CIAO3: variants seen among roughly 807,000 people sequenced by gnomAD.
CIAO3 encodes the protein LET1 like/JFP15.
CIAO3 carries 45 observed loss-of-function variants against 51.5 expected under a neutral mutation model. The ratio of observed to expected loss-of-function variants is 0.87; its 90% confidence interval spans 0.69 to 1.12. The LOEUF (loss-of-function observed/expected upper bound fraction) is 1.12. Ranked by LOEUF, CIAO3 falls within the 50% of genes most tolerant of loss-of-function variation. The pLI is 0.00. For synonymous variants in CIAO3, 314 were observed against 269.3 expected (o/e 1.17, Z -1.63); for missense variants, 668 against 632.5 (o/e 1.06, Z -0.60).
rs1205734289 is a variant in CIAO3 at position 729,975 on chromosome 16, A to C, written c.*442T>G. On this transcript the variant is annotated 3_prime_UTR_variant, in exon 11 of 11. Transcript: ENST00000251588. ...AGGGTTGTGGCGGGACCACCCCTGC[A>C]GGTCCAGCTCTGTCTCCCACCTTTT... The C allele has an allele frequency of 2.1e-5, 7 of 340,190 alleles. No individual in the cohort carries two copies. The highest frequency in any genetic ancestry group is 3.9e-5 in the Non-Finnish European group (7 of 180,542). 21.1% of individuals were successfully genotyped at this position (340,190 alleles called of 1,614,324 possible). A position where few individuals can be genotyped will look rare whatever the true frequency, so the allele number is the denominator to read the frequency against.
intron 1 of CIAO3, chr16:740,158 C>G: frequency 1.6e-6 from 2 of 1,270,714 alleles, no homozygotes; most frequent in Non-Finnish European, 2.1e-6. Context: ...ATTTCTCTCT[C>G]TTCTCCTTGA....
At chr16:739,850 G>A (rs2041374217) in intron 1 of CIAO3, 112 bp from the exon 2 acceptor site, 2 of 1,284,344 alleles carry the variant, frequency 1.6e-6, no homozygotes, top group Admixed American at 1.9e-5. Flanking sequence ...TCTGCCAGGA[G>A]CCATGCACTC....
intron 2 of CIAO3, among the ~76,000 whole-genome samples, chr16:738,641 C>CG (rs1567346602): frequency 6.6e-6 from 1 of 150,878 alleles, no homozygotes; most frequent in Non-Finnish European, 1.5e-5. Flanking sequence ...CCTGAGCCAC[C>CG]GCGCCAGGCC....
In CIAO3 at chr16:737,397, G is replaced by A. The variant is rs982695187; in HGVS notation, c.163-68C>T. 2 of 1,602,090 alleles carry A rather than the reference G, an allele frequency of 1.2e-6. No individual in the cohort carries two copies. Among genetic ancestry groups the A allele is most frequent in the African/African-American group, 1.3e-5 (1 of 74,698 alleles). ...CGAGGACATGGAGACAGAGGATAGTGGAGTCCAGCTCATAACCGACAACCA... is the reference window on the plus strand; with the variant it reads ...CGAGGACATGGAGACAGAGGATAGTAGAGTCCAGCTCATAACCGACAACCA... On this transcript the variant is annotated intron_variant, in intron 2 of 10. Transcript: ENST00000251588. The surrounding 1 kb of genome is among the most constrained non-coding windows in gnomAD (Gnocchi z 5.3).
rs761519667 is a variant in CIAO3 at position 730,951 on chromosome 16, G to A, written c.1084C>T (p.Leu362=). ...VTLEKEGQVL[L]HFAMAYGFRN... The stretch of plus-strand genomic sequence containing the variant: ...AAGCCGTACGCCATTGCGAAGTGCA[G>A]CAGCACCTGGCCCTCCTTCTCCAGT... Residue 362 remains leucine, a synonymous_variant, in exon 10 of 11, where the codon CTG becomes TTG. Transcript: ENST00000251588. 1.2e-6 allele frequency: 2 copies of A among 1,613,016 alleles called. No homozygotes were observed. The highest frequency in any genetic ancestry group is 1.1e-5 in the South Asian group (1 of 91,090).
At chr16:740,602 G>A (rs2041380729) in intron 1 of CIAO3, 1 of 460,318 alleles carries the variant, frequency 2.2e-6, no homozygotes, top group Non-Finnish European at 3.9e-6. Context: ...AGCCGCCTCT[G>A]CTGCCTCCTC....
Position 730,502 on chromosome 16 carries a change from G to A in CIAO3, c.1346C>T (p.Thr449Met), listed in dbSNP as rs768089758. The A allele has an allele frequency of 6.9e-5, 111 of 1,609,964 alleles. No individual in the cohort carries two copies. Among genetic ancestry groups the A allele is most frequent in the Non-Finnish European group, 8.4e-5 (99 of 1,179,992 alleles). Reference protein sequence around the residue: ...QELYTHWLQGTDSECAGRLLH... With the variant: ...QELYTHWLQGMDSECAGRLLH... ...CAAGCGACCTGCACACTCCGAGTCC[G>A]TGCCCTGCAGCCAGTGTGTGTACAG... Residue 449 changes from threonine to methionine, a missense_variant, in exon 11 of 11, where the codon ACG (threonine) becomes ATG (methionine). Transcript: ENST00000251588.
chr16:737,535 G>A lies in CIAO3; in HGVS notation c.163-206C>T. 1.3e-6 allele frequency: 2 copies of A among 1,512,622 alleles called. No homozygotes were observed. Among genetic ancestry groups the A allele is most frequent in the Non-Finnish European group, 1.8e-6 (2 of 1,132,628 alleles). The allele number at this position is 1,512,622 out of a possible 1,614,324, so 93.7% of individuals were successfully genotyped here. ...CATAATGCCGTCAAGTCTGCTTCTT[G>A]GTACCACTTGGTTAGTGCATCCGAA... is the stretch of plus-strand genomic sequence containing the variant. On this transcript the variant is annotated intron_variant, in intron 2 of 10. Coordinates refer to ENST00000251588, the MANE Select transcript of CIAO3 (RefSeq NM_022493.3). This position sits in a 1 kb window ranked among gnomAD's most constrained non-coding sequence, Gnocchi z 5.3.
Position 740,957 on chromosome 16 carries a change from T to G in CIAO3, c.29A>C (p.Gln10Pro), listed in dbSNP as rs1360760105. MASPFSGAL[Q>P]LTDLDDFIGP... ...GATGAAGTCATCCAGGTCCGTCAGCTGCAGCGCCCCGCTGAAGGGCGACGC... is the reference window on the plus strand; with the variant it reads ...GATGAAGTCATCCAGGTCCGTCAGCGGCAGCGCCCCGCTGAAGGGCGACGC... Residue 10 changes from glutamine (Q) to proline (P), a missense_variant, in exon 1 of 11, where the codon CAG (glutamine) becomes CCG (proline). Coordinates refer to ENST00000251588, the MANE Select transcript of CIAO3 (RefSeq NM_022493.3). 3 of 1,518,484 alleles carry G rather than the reference T, an allele frequency of 2.0e-6. No homozygotes were observed. Among genetic ancestry groups the G allele is most frequent in the Non-Finnish European group, 2.6e-6 (3 of 1,136,966 alleles). The allele number at this position is 1,518,484 out of a possible 1,614,324, so 94.1% of individuals were successfully genotyped here.
Position 730,439 on chromosome 16 carries a change from G to A in CIAO3, c.1409C>T (p.Thr470Ile), listed in dbSNP as rs376469524. The A allele has an allele frequency of 9.4e-6, 15 of 1,603,902 alleles. No homozygotes were observed. Among genetic ancestry groups the A allele is most frequent in the Non-Finnish European group, 1.3e-5 (15 of 1,179,916 alleles). Residue 470 changes from threonine (T) to isoleucine (I), a missense_variant, in exon 11 of 11, where the codon ACT becomes ATT. Coordinates refer to ENST00000251588, the MANE Select transcript of CIAO3 (RefSeq NM_022493.3). ...TQYHAVEKAS[T>I]GLGIRW is the part of the protein sequence containing the mutation. ...CCCCTACCACCGGATGCCCAGGCCAGTGCTGGCCTTCTCCACGGCGTGGTA... is the reference window on the plus strand; with the variant it reads ...CCCCTACCACCGGATGCCCAGGCCAATGCTGGCCTTCTCCACGGCGTGGTA...
chr16:734,946 C>T, intron 4 of CIAO3, 75 bp from the exon 5 acceptor site: 2 of 1,462,098 alleles, frequency 1.4e-6, no homozygotes, highest in African/African-American at 1.4e-5. Context: ...GTGTGGACCA[C>T]CATGGTGCTG....
intron 2 of CIAO3, 94 bp downstream of exon 2, chr16:739,549 C>T (rs117664197): frequency 0.013 from 15,979 of 1,265,572 alleles, 149 homozygotes; most frequent in Non-Finnish European, 0.015. Flanking sequence ...CCTGGAGTGT[C>T]TCGGGGTCAC....
At chr16:736,085 G>A (rs2041334119) in intron 4 of CIAO3, among the ~76,000 whole-genome samples, 181 bp downstream of exon 4, 1 of 152,176 alleles carries the variant, frequency 6.6e-6, no homozygotes, top group African/African-American at 2.4e-5. Flanking sequence ...CTGTGAGAAG[G>A]CCCTGCTCTC....
chr16:739,551 C>T lies in CIAO3; in HGVS notation c.162+92G>A, dbSNP rs781729194. ...AAGACTGGTGAGACCTGGAGTGTCT[C>T]GGGGTCACCGCTCTGTGACGGGAGG... On this transcript the variant is annotated intron_variant, in intron 2 of 10. Coordinates refer to ENST00000251588, the MANE Select transcript of CIAO3 (RefSeq NM_022493.3). 151 of 1,276,242 alleles carry T rather than the reference C, an allele frequency of 1.2e-4. 2 individuals are homozygous for T. The highest frequency in any genetic ancestry group is 5.3e-4 in the South Asian group (44 of 83,676). The allele number at this position is 1,276,242 out of a possible 1,614,324, so 79.1% of individuals were successfully genotyped here. A position where few individuals can be genotyped will look rare whatever the true frequency, so the allele number is the denominator to read the frequency against.
At chr16:733,807 G>T (rs944414772) in intron 6 of CIAO3, 1 of 369,158 alleles carries the variant, frequency 2.7e-6, no homozygotes. Flanking sequence ...TGCCGCAGGG[G>T]ACATGGGCGC....
chr16:740,027 C>A (rs2151605031), intron 1 of CIAO3: 2 of 1,433,660 alleles, frequency 1.4e-6, no homozygotes, highest in African/African-American at 1.4e-5. Flanking sequence ...CTGACCTTCA[C>A]CCTTCACGTG....
chr16:730,882 A>C lies in CIAO3; in HGVS notation c.1153T>G (p.Cys385Gly). The C allele has an allele frequency of 6.2e-7, 1 of 1,612,874 alleles. No homozygotes were observed. The highest frequency in any genetic ancestry group is 8.5e-7 in the Non-Finnish European group (1 of 1,179,988). ...NLVQRLKRGRCPYHYVEVMAC... is the reference protein window; with the variant it reads ...NLVQRLKRGRGPYHYVEVMAC... Reference sequence around the variant, plus strand: ...ATGACCTCCACGTAGTGGTAGGGGCAGCGCCCTCGTTTGAGCCTCTGCACC... The same window carrying C: ...ATGACCTCCACGTAGTGGTAGGGGCCGCGCCCTCGTTTGAGCCTCTGCACC... Residue 385 changes from cysteine to glycine, a missense_variant, in exon 10 of 11, where the codon TGC (cysteine) becomes GGC (glycine). Physicochemically the swap from Cys to Gly is radical, Grantham distance 159. Transcript: ENST00000251588.
In CIAO3 at chr16:733,324, CGT is replaced by C. The variant is rs868341164; in HGVS notation, c.795_796del (p.Arg266GlyfsTer72). 1.9e-6 allele frequency: 3 copies of C among 1,613,718 alleles called. No individual in the cohort carries two copies. Among genetic ancestry groups the C allele is most frequent in the Non-Finnish European group, 2.5e-6 (3 of 1,179,984 alleles). ...TGTTGTGAGGACACAGTCCACATCC[CGT>C]GTCTGGTGCTCCTGGTTGAAAAAGT... On this transcript the variant is annotated frameshift_variant, in exon 7 of 11. Coordinates refer to ENST00000251588, the MANE Select transcript of CIAO3 (RefSeq NM_022493.3). LOFTEE classifies it high-confidence loss of function.
In CIAO3 at chr16:737,634, G is replaced by A. The variant is rs560136823; in HGVS notation, c.163-305C>T. ...CCCACTCACCCATGGGGCCCTGGAC[G>A]GGGTGCTGGCCCCGGTGCACACTCA... is the stretch of plus-strand genomic sequence containing the variant. On this transcript the variant is annotated intron_variant, in intron 2 of 10. Transcript: ENST00000251588. This position sits in a 1 kb window ranked among gnomAD's most constrained non-coding sequence, Gnocchi z 5.3. 63 of 1,366,688 alleles carry A rather than the reference G, an allele frequency of 4.6e-5. No individual in the cohort carries two copies. Among genetic ancestry groups the A allele is most frequent in the African/African-American group, 4.4e-4 (30 of 68,826 alleles). The allele number at this position is 1,366,688 out of a possible 1,614,324, so 84.7% of individuals were successfully genotyped here.
Sources: allele counts gnomAD v4.1 joint callset (sites outside exome capture counted in the v4.1 genomes callset), GRCh38; gene constraint gnomAD v4.1.1; non-coding constraint Gnocchi (gnomAD v3.1); transcripts MANE v1.5; gene names NCBI Gene and HGNC (gene_info 2026-07-23, HGNC 2026-07-21).